The following SV2C variants were observed in gnomAD, a reference collection of about 807,000 sequenced individuals.
The protein encoded by SV2C is solute carrier family 22 member B3.
Under a neutral mutation model 79.7 loss-of-function variants are expected in SV2C, and 49 were observed. The ratio of observed to expected loss-of-function variants is 0.61; its 90% CI spans 0.49 to 0.78. The LOEUF is 0.78. Ranked by LOEUF, SV2C falls within the 30% of genes least tolerant of loss-of-function variation. SV2C has a pLI of 0.00. For synonymous variants in SV2C, 334 were observed against 333.2 expected (o/e 1.00, Z -0.03); for missense variants, 833 against 912.9 (o/e 0.91, Z 1.13).
intron 2 of SV2C, among the ~76,000 whole-genome samples, chr5:76,192,865 T>C (rs946179693): frequency 1.3e-5 from 2 of 152,218 alleles, no homozygotes; most frequent in Admixed American, 1.3e-4. Context: ...TACAGTTTGA[T>C]ATGACATTTT....
chr5:75,969,331 A>T, the SV2C span, among the ~76,000 whole-genome samples: 8 of 152,294 alleles, frequency 5.3e-5, no homozygotes, highest in Admixed American at 2.6e-4. Context: ...AACAATACTA[A>T]CCTTAAATGT....
the SV2C span, among the ~76,000 whole-genome samples, chr5:76,043,860 T>C: frequency 6.6e-6 from 1 of 152,322 alleles, no homozygotes; most frequent in Admixed American, 6.5e-5. Context: ...CAGTGCTCCC[T>C]CCTGACTTTT....
chr5:76,290,015 C>T (rs550076222), intron 6 of SV2C, among the ~76,000 whole-genome samples: 124 of 151,874 alleles, frequency 8.2e-4, no homozygotes, highest in African/African-American at 3.0e-3. Context: ...AAACAAATAT[C>T]GATGAGTGAA....
chr5:76,238,548 T>C (rs915749514), intron 4 of SV2C, among the ~76,000 whole-genome samples: 3 of 152,194 alleles, frequency 2.0e-5, no homozygotes, highest in African/African-American at 7.2e-5. Flanking sequence ...TATCTATTAA[T>C]ATTTAAGAGC....
intron 4 of SV2C, among the ~76,000 whole-genome samples, chr5:76,257,959 G>A (rs1746341864): frequency 6.7e-6 from 1 of 148,780 alleles, no homozygotes; most frequent in African/African-American, 2.5e-5. Flanking sequence ...TAGTGTGTGG[G>A]GTATAAACGT....
At chr5:76,008,690 G>T in the SV2C span, among the ~76,000 whole-genome samples, 5 of 152,090 alleles carry the variant, frequency 3.3e-5, no homozygotes, top group African/African-American at 4.8e-5. Context: ...ATGAGACCAT[G>T]TTTCCACCCT....
intron 4 of SV2C, among the ~76,000 whole-genome samples, chr5:76,275,371 C>T (rs893799967): frequency 2.6e-5 from 4 of 151,816 alleles, no homozygotes; most frequent in Non-Finnish European, 4.4e-5. Context: ...CCTGTAGTCC[C>T]AACTACTCGG....
chr5:76,345,907 CCTCT>C (rs1276512247), intron 12 of SV2C, among the ~76,000 whole-genome samples: 1 of 152,164 alleles, frequency 6.6e-6, no homozygotes, highest in Non-Finnish European at 1.5e-5. Context: ...CCCTCAACTG[CCTCT>C]CTGTGTAGAA....
At chr5:76,044,075 C>G in the SV2C span, among the ~76,000 whole-genome samples, 2 of 152,182 alleles carry the variant, frequency 1.3e-5, no homozygotes, top group Admixed American at 1.3e-4. Context: ...TGCTCTCCCT[C>G]CAACAGGCCC....
intron 2 of SV2C, among the ~76,000 whole-genome samples, chr5:76,147,401 T>A (rs1749471817): frequency 6.6e-6 from 1 of 152,182 alleles, no homozygotes. Flanking sequence ...CAGGACAGCC[T>A]TTTCTACTCT....
chr5:75,902,891 G>C, the SV2C span, among the ~76,000 whole-genome samples: 1 of 152,236 alleles, frequency 6.6e-6, no homozygotes, highest in African/African-American at 2.4e-5. Context: ...TGTGAAGAAA[G>C]CTGGGAAGGG....
the SV2C span, among the ~76,000 whole-genome samples, chr5:75,893,297 T>G: frequency 6.6e-6 from 1 of 152,080 alleles, no homozygotes; most frequent in African/African-American, 2.4e-5. Flanking sequence ...TTGATTTTTT[T>G]AAGATCATTG....
At chr5:76,210,007 C>T in intron 4 of SV2C, 120 bp downstream of exon 4, 1 of 1,229,542 alleles carries the variant, frequency 8.1e-7, no homozygotes. Flanking sequence ...TCATGTTTCT[C>T]CCTTTCATAG....
At chr5:76,058,154 C>G in the SV2C span, among the ~76,000 whole-genome samples, 2 of 152,004 alleles carry the variant, frequency 1.3e-5, no homozygotes, top group East Asian at 3.9e-4. Flanking sequence ...AAGGTGCAGA[C>G]AGAAAATTGG....
At chr5:76,206,362 G>T (rs1744608389) in intron 3 of SV2C, among the ~76,000 whole-genome samples, 1 of 152,192 alleles carries the variant, frequency 6.6e-6, no homozygotes, top group Non-Finnish European at 1.5e-5. Context: ...GGATTGCCCA[G>T]TGTCCCCTGA....
intron 8 of SV2C, 89 bp downstream of exon 8, chr5:76,291,945 T>C (rs1421169040): frequency 1.0e-6 from 1 of 963,512 alleles, no homozygotes; most frequent in Non-Finnish European, 1.6e-6. Context: ...CTGATACTGC[T>C]TGATGCTGTT....
chr5:76,296,589 G>T (rs1747775188), intron 9 of SV2C, among the ~76,000 whole-genome samples: 2 of 152,152 alleles, frequency 1.3e-5, no homozygotes, highest in Admixed American at 1.3e-4. Flanking sequence ...CCAAGTACTT[G>T]TTTATATCCA....
chr5:75,874,219 C>A, the SV2C span, among the ~76,000 whole-genome samples: 3 of 152,164 alleles, frequency 2.0e-5, no homozygotes, highest in Non-Finnish European at 1.5e-5. Flanking sequence ...ATCAAGTAGG[C>A]TTCATCCCTG....
chr5:76,266,952 T>A (rs537057448), intron 4 of SV2C, among the ~76,000 whole-genome samples: 5 of 152,322 alleles, frequency 3.3e-5, no homozygotes, highest in African/African-American at 1.2e-4. Flanking sequence ...ACTGTCTACC[T>A]TTTCCAGAGA....
Sources: gnomAD v4.1 joint callset for allele counts (sites outside exome capture counted in the v4.1 genomes callset) on GRCh38, gnomAD v4.1.1 for gene constraint, MANE v1.5 for transcripts, NCBI Gene and HGNC (gene_info 2026-07-23, HGNC 2026-07-21) for gene names.